The following COL4A4 variants were observed in gnomAD, a reference collection of about 807,000 sequenced individuals.
COL4A4 encodes collagen alpha-4(IV) chain.
A neutral mutation model predicts 192.9 loss-of-function variants in COL4A4; 105 were observed. The ratio of observed to expected loss-of-function variants is 0.54; its 90% CI spans 0.46 to 0.64. The LOEUF (loss-of-function observed/expected upper bound fraction) is 0.64, where lower values mean the gene tolerates loss of function less well. Among genes scored for constraint, COL4A4 ranks in the 30% least tolerant of loss-of-function variants. COL4A4 has a pLI of 0.00. For synonymous variants in COL4A4, 762 were observed against 769.9 expected, an observed-to-expected ratio of 0.99 and a Z score of 0.17; for missense variants, 1,967 against 2,169.3, an observed-to-expected ratio of 0.91 and a Z score of 1.85.
At chr2:227,116,004 A>T (rs536880015) in intron 7 of COL4A4, among the ~76,000 whole-genome samples, 16 of 152,360 alleles carry the variant, frequency 1.1e-4, no homozygotes, top group African/African-American at 3.4e-4. Flanking sequence ...TTACCAAAAC[A>T]TGTTGCAAAG....
the COL4A4 span, among the ~76,000 whole-genome samples, chr2:226,986,275 C>G: frequency 6.6e-6 from 1 of 151,840 alleles, no homozygotes; most frequent in East Asian, 1.9e-4. Context: ...GATTGGACCC[C>G]GAACAGAAAA....
At chr2:227,089,553 C>A (rs2059782957) in intron 21 of COL4A4, among the ~76,000 whole-genome samples, 1 of 140,360 alleles carries the variant, frequency 7.1e-6, no homozygotes, top group Non-Finnish European at 1.5e-5. Context: ...GCAAAGTCAC[C>A]ATTTGCAGAC....
intron 46 of COL4A4, 53 bp from the exon 47 acceptor site, chr2:227,008,357 C>G (rs759184743): frequency 2.5e-6 from 4 of 1,585,072 alleles, no homozygotes; most frequent in African/African-American, 1.3e-5. Flanking sequence ...TGTAGGTGTT[C>G]CCAGACCCTT....
intron 4 of COL4A4, among the ~76,000 whole-genome samples, chr2:227,132,936 T>TTGTACTAA (rs2062575639): frequency 6.6e-6 from 1 of 152,204 alleles, no homozygotes; most frequent in Non-Finnish European, 1.5e-5. Context: ...CTTAGCTAAT[T>TTGTACTAA]AGTCAGACGT....
At position 227,056,390 on chromosome 2, in the gene COL4A4, A is replaced by AT. The variant is rs5839191; in HGVS notation, c.2546-276dup. On this transcript the variant is annotated intron_variant, in intron 29 of 47. Transcript: ENST00000396625. ...CAGAAAACAAAAAGAAAAAACAAAC[A>AT]TGTATTTGTATTTCCTCTTGGTGGA... Among the ~76,000 whole-genome samples, 79,081 of 151,864 alleles carry AT rather than the reference A, an allele frequency of 0.52. 20,833 individuals carry two copies. The highest frequency in any genetic ancestry group is 0.61 in the South Asian group (2,957 of 4,810).
chr2:227,041,859 AAAGAAAG>A (rs1559478489), intron 37 of COL4A4, among the ~76,000 whole-genome samples: 26 of 103,858 alleles, frequency 2.5e-4, no homozygotes, highest in African/African-American at 1.2e-3. Flanking sequence ...AGAAAGAAAG[AAAGAAAG>A]AAAGAAAGAA....
chr2:226,995,907 G>A, the COL4A4 span: 8 of 183,854 alleles, frequency 4.4e-5, no homozygotes, highest in Non-Finnish European at 6.7e-5. Context: ...GGAGTGCCCC[G>A]TGTTTGACTT....
rs1370245496 is a variant in COL4A4 at position 227,050,252 on chromosome 2, G to A, written c.3151-121C>T. On this transcript the variant is annotated intron_variant, in intron 33 of 47. Transcript: ENST00000396625. Reference sequence around the variant, plus strand: ...GGTTTTTGTAATCTGCAGTGGTAACGAAAGTTTAAATGCATGCAAGCCTCC... The same window carrying A: ...GGTTTTTGTAATCTGCAGTGGTAACAAAAGTTTAAATGCATGCAAGCCTCC... The A allele has an allele frequency of 4.0e-5, 34 of 852,882 alleles. 1 individual carries two copies. Among genetic ancestry groups the A allele is most frequent in the South Asian group, 2.0e-4 (15 of 73,316 alleles). 52.8% of individuals were successfully genotyped at this position (852,882 alleles called of 1,614,324 possible).
Position 227,007,291 on chromosome 2 carries a change from T to A in COL4A4, c.*34A>T. On this transcript the variant is annotated 3_prime_UTR_variant, in exon 48 of 48. Coordinates refer to ENST00000396625, the MANE Select transcript of COL4A4 (RefSeq NM_000092.5). ...GGAAGTCTTAGCCCCCTAGGAAGTT[T>A]CTCTTGGCCACGTGTTGGTGAATTT... 1 of 1,614,040 alleles carries A rather than the reference T, an allele frequency of 6.2e-7. No homozygotes were observed. Among genetic ancestry groups the A allele is most frequent in the Non-Finnish European group, 8.5e-7 (1 of 1,179,996 alleles).
chr2:226,984,564 G>A, the COL4A4 span, among the ~76,000 whole-genome samples: 4 of 152,152 alleles, frequency 2.6e-5, no homozygotes, highest in African/African-American at 7.2e-5. Context: ...GGATTTTGAG[G>A]GAACACAAAT....
intron 44 of COL4A4, among the ~76,000 whole-genome samples, chr2:227,021,600 C>T (rs1330694680): frequency 4.6e-5 from 7 of 151,864 alleles, no homozygotes; most frequent in African/African-American, 1.7e-4. Flanking sequence ...CTGAGGCAGG[C>T]GGATCACGAG....
chr2:227,073,180 TAAAC>T (rs1230645497), intron 25 of COL4A4, among the ~76,000 whole-genome samples: 5 of 152,078 alleles, frequency 3.3e-5, no homozygotes, highest in African/African-American at 7.2e-5. Context: ...TTAGATATGA[TAAAC>T]AAATTCAGTA....
chr2:227,115,770 G>A (rs561075728), intron 7 of COL4A4, among the ~76,000 whole-genome samples: 2 of 152,236 alleles, frequency 1.3e-5, no homozygotes, highest in South Asian at 2.1e-4. Context: ...AATCAGGTTT[G>A]GTAGTATCTG....
chr2:227,008,177 G>T lies in COL4A4; in HGVS notation c.4650C>A (p.Pro1550=), dbSNP rs762516627. ...SYWLASAAPL[P]MMPLSEEAIR... ...TCGCCTCTTCAGAGAGTGGCATCAT[G>T]GGGAGGGGCGCAGCGCTGGCCAGCC... Residue 1550 remains proline, a synonymous_variant, in exon 47 of 48, where the codon CCC becomes CCA. Transcript: ENST00000396625. 6 of 1,614,012 alleles carry T rather than the reference G, an allele frequency of 3.7e-6. No individual in the cohort carries two copies. Among genetic ancestry groups the T allele is most frequent in the Non-Finnish European group, 5.1e-6 (6 of 1,179,954 alleles).
chr2:227,163,053 GT>G lies in COL4A4; in HGVS notation c.-102+953del, dbSNP rs369385644. Among the ~76,000 whole-genome samples, 354 of 152,356 alleles carry G rather than the reference GT, an allele frequency of 2.3e-3. 3 individuals are homozygous for G. The highest frequency in any genetic ancestry group is 7.4e-3 in the African/African-American group (309 of 41,576). Reference sequence around the variant, plus strand: ...GACCAACTGCATGATCATACTTGGTGTCTGAAGCCAATTGCAGCAAATATCA... The same window carrying G: ...GACCAACTGCATGATCATACTTGGTGCTGAAGCCAATTGCAGCAAATATCA... On this transcript the variant is annotated intron_variant, in intron 1 of 47. Transcript: ENST00000396625.
chr2:227,098,684 G>T lies in COL4A4; in HGVS notation c.1204+10C>A. The T allele has an allele frequency of 6.2e-7, 1 of 1,609,128 alleles. No homozygotes were observed. The highest frequency in any genetic ancestry group is 8.5e-7 in the Non-Finnish European group (1 of 1,175,564). On this transcript the variant is annotated intron_variant, in intron 19 of 47. Coordinates refer to ENST00000396625, the MANE Select transcript of COL4A4 (RefSeq NM_000092.5). ...CCTGTAAAAGCCAGGGCACATCAGG[G>T]CATCCGTACCTGCACAGGCTTCCCC...
intron 4 of COL4A4, among the ~76,000 whole-genome samples, chr2:227,131,036 C>T (rs1218864557): frequency 1.3e-5 from 2 of 152,180 alleles, no homozygotes; most frequent in Non-Finnish European, 2.9e-5. Context: ...CCACCAGCCA[C>T]ATTTTCCAAA....
At chr2:227,021,917 T>C (rs535736121) in intron 44 of COL4A4, 131 bp downstream of exon 44, 7 of 1,033,862 alleles carry the variant, frequency 6.8e-6, no homozygotes, top group Middle Eastern at 3.2e-4. Context: ...TAGAAACAAA[T>C]TGCAAAGGGA....
At chr2:227,065,166 T>C (rs1040726701) in intron 25 of COL4A4, among the ~76,000 whole-genome samples, 1 of 152,174 alleles carries the variant, frequency 6.6e-6, no homozygotes, top group East Asian at 1.9e-4. Context: ...ACCCGAATAC[T>C]GCGCTTTTCC....
Sources: gnomAD v4.1 joint callset for allele counts (sites outside exome capture counted in the v4.1 genomes callset) on GRCh38, gnomAD v4.1.1 for gene constraint, MANE v1.5 for transcripts, NCBI Gene and HGNC (gene_info 2026-07-23, HGNC 2026-07-21) for gene names.